The following GRK3 variants were observed in gnomAD, a reference collection of about 807,000 sequenced individuals.
GRK3 encodes G protein-coupled receptor kinase 3.
Under a neutral mutation model 95.7 loss-of-function variants are expected in GRK3, and 54 were observed. The observed-to-expected ratio is 0.56, with a 90% CI of 0.45 to 0.71. GRK3 has a LOEUF of 0.71. Among genes scored for constraint, GRK3 ranks in the 30% least tolerant of loss-of-function variants. The pLI is 0.00. For missense variants in GRK3, 649 were observed against 851.2 expected (o/e 0.76, Z 2.96); for synonymous variants, 281 against 290.8 (o/e 0.97, Z 0.34).
At chr22:25,610,868 G>GT (rs1260698703) in intron 2 of GRK3, among the ~76,000 whole-genome samples, 5 of 150,368 alleles carry the variant, frequency 3.3e-5, no homozygotes, top group Non-Finnish European at 5.9e-5. Context: ...CTTTTTTTTT[G>GT]TTTTTTGTTT....
chr22:25,679,244 G>A (rs2085056192), intron 9 of GRK3, among the ~76,000 whole-genome samples: 1 of 152,168 alleles, frequency 6.6e-6, no homozygotes, highest in Non-Finnish European at 1.5e-5. Context: ...TGGCAAGAAG[G>A]ACTAACCTAG....
intron 20 of GRK3, among the ~76,000 whole-genome samples, chr22:25,721,750 T>C (rs1601552116): frequency 1.3e-5 from 2 of 152,338 alleles, no homozygotes; most frequent in South Asian, 4.1e-4. Context: ...TGAAATGCCA[T>C]CTTCTCTAAA....
At chr22:25,671,140 T>G (rs968297998) in intron 6 of GRK3, among the ~76,000 whole-genome samples, 1 of 150,654 alleles carries the variant, frequency 6.6e-6, no homozygotes. Flanking sequence ...GATCACAAGG[T>G]CAGGAGATTG....
chr22:25,583,282 ATTC>A (rs1932168713), intron 1 of GRK3, among the ~76,000 whole-genome samples: 3 of 151,582 alleles, frequency 2.0e-5, no homozygotes, highest in Non-Finnish European at 4.4e-5. Flanking sequence ...TAATTTAGGA[ATTC>A]TTCTCACATG....
chr22:25,604,506 C>G (rs1275053734), intron 2 of GRK3, 53 bp downstream of exon 2: 3 of 1,295,856 alleles, frequency 2.3e-6, no homozygotes, highest in Non-Finnish European at 3.3e-6. Context: ...TGAAATTGGG[C>G]GATACTATAG....
chr22:25,591,156 G>A (rs943965532), intron 1 of GRK3, among the ~76,000 whole-genome samples: 11 of 151,996 alleles, frequency 7.2e-5, no homozygotes, highest in Admixed American at 5.2e-4. Flanking sequence ...CATCCTCTCC[G>A]GTGTGCTGTG....
At chr22:25,661,844 C>T (rs768878641) in intron 4 of GRK3, among the ~76,000 whole-genome samples, 167 bp downstream of exon 4, 1 of 152,132 alleles carries the variant, frequency 6.6e-6, no homozygotes, top group Non-Finnish European at 1.5e-5. Flanking sequence ...AATATTACCA[C>T]GATGTGTGTT....
rs1020469229 is a variant in GRK3, at chr22:25,725,638, A to G, written c.*3188A>G. 18 of 398,418 alleles carry G rather than the reference A, an allele frequency of 4.5e-5. No homozygotes were observed. The highest frequency in any genetic ancestry group is 7.5e-5 in the Non-Finnish European group (17 of 226,052). The allele number at this position is 398,418 out of a possible 1,614,324, so 24.7% of individuals were successfully genotyped here. The stretch of plus-strand genomic sequence containing the variant: ...GTCCATTCACTGACGTGACAATTTC[A>G]GGTCCTATGTTTAAAAAGAAGGGGC... On this transcript the variant is annotated 3_prime_UTR_variant, in exon 21 of 21. Transcript: ENST00000324198.
intron 3 of GRK3, among the ~76,000 whole-genome samples, chr22:25,647,020 CAAAAA>C (rs1025786169): frequency 5.6e-5 from 3 of 54,016 alleles, no homozygotes; most frequent in Non-Finnish European, 1.2e-4. Context: ...GACTTTGTCT[CAAAAA>C]AAAAAAAAAA....
At chr22:25,671,308 T>C (rs1034415101) in intron 6 of GRK3, among the ~76,000 whole-genome samples, 7 of 152,122 alleles carry the variant, frequency 4.6e-5, no homozygotes, top group Non-Finnish European at 5.9e-5. Flanking sequence ...CCACTGCACT[T>C]CAGCCTGGGC....
At chr22:25,626,762 G>A (rs563929175) in intron 2 of GRK3, among the ~76,000 whole-genome samples, 59 of 152,308 alleles carry the variant, frequency 3.9e-4, no homozygotes, top group African/African-American at 1.4e-3. Context: ...GGTCGGGGCG[G>A]CATAGCACCA....
intron 7 of GRK3, 29 bp downstream of exon 7, chr22:25,672,376 T>C: frequency 1.6e-6 from 2 of 1,257,324 alleles, no homozygotes; most frequent in South Asian, 2.7e-5. Context: ...TTTTTTCATT[T>C]TTTAAATAAA....
chr22:25,705,336 G>A (rs1019667521), intron 15 of GRK3, among the ~76,000 whole-genome samples: 10 of 152,054 alleles, frequency 6.6e-5, no homozygotes, highest in African/African-American at 2.2e-4. Context: ...CTGAGTTGAG[G>A]ATTTTGACAT....
At chr22:25,672,200 C>G in intron 6 of GRK3, 96 bp from the exon 7 acceptor site, 1 of 601,402 alleles carries the variant, frequency 1.7e-6, no homozygotes, top group South Asian at 2.3e-5. Flanking sequence ...GACAAGCAAC[C>G]CAAGTAATGC....
intron 8 of GRK3, among the ~76,000 whole-genome samples, chr22:25,676,302 T>C (rs1436220303): frequency 6.6e-6 from 1 of 152,268 alleles, no homozygotes; most frequent in African/African-American, 2.4e-5. Flanking sequence ...CTAAGTGATA[T>C]ACTCTACTTG....
At position 25,727,238 on chromosome 22, in the gene GRK3, A is replaced by C. The variant is rs2085482193; in HGVS notation, c.*4788A>C. 1 of 152,174 alleles carries C rather than the reference A, an allele frequency of 6.6e-6. No individual in the cohort carries two copies. Among genetic ancestry groups the C allele is most frequent in the African/African-American group, 2.4e-5 (1 of 41,450 alleles). 9.4% of individuals were successfully genotyped at this position (152,174 alleles called of 1,614,324 possible). On this transcript the variant is annotated 3_prime_UTR_variant, in exon 21 of 21. Transcript: ENST00000324198. ...GATTTTTCCCTCCTATGTAAAGTTT[A>C]CTGGAGAGACTTGAATTACTTAAAT...
intron 2 of GRK3, among the ~76,000 whole-genome samples, chr22:25,633,108 G>T (rs1342836944): frequency 2.6e-5 from 4 of 151,754 alleles, no homozygotes; most frequent in Non-Finnish European, 5.9e-5. Flanking sequence ...ATAAAGACAG[G>T]GTGTCACCAT....
rs367779606 is a variant in GRK3 at position 25,711,034 on chromosome 22, T to C, written c.1396-34T>C. The C allele has an allele frequency of 1.3e-4, 193 of 1,438,554 alleles. No homozygotes were observed. The African/African-American group carries it at 2.5e-3, about 19-fold the overall frequency. The allele number at this position is 1,438,554 out of a possible 1,614,324, so 89.1% of individuals were successfully genotyped here. Reference sequence around the variant, plus strand: ...GTTGGGACAGGGCCATACGATCATCTGAAAACTGTACCATGCTTGTTTGGA... The same window carrying C: ...GTTGGGACAGGGCCATACGATCATCCGAAAACTGTACCATGCTTGTTTGGA... On this transcript the variant is annotated intron_variant, in intron 16 of 20. Transcript: ENST00000324198.
intron 8 of GRK3, among the ~76,000 whole-genome samples, chr22:25,677,579 T>C (rs2085041771): frequency 6.6e-6 from 1 of 152,194 alleles, no homozygotes; most frequent in Non-Finnish European, 1.5e-5. Flanking sequence ...TGCCAATTGA[T>C]TTGTTGTAAG....
Sources: gnomAD v4.1 joint callset for allele counts (sites outside exome capture counted in the v4.1 genomes callset) on GRCh38, gnomAD v4.1.1 for gene constraint, MANE v1.5 for transcripts, NCBI Gene and HGNC (gene_info 2026-07-23, HGNC 2026-07-21) for gene names.